The following WDR44 variants were observed in gnomAD, a reference collection of about 807,000 sequenced individuals.
WDR44 encodes WD repeat-containing protein 44.
In WDR44, 9 loss-of-function variants were observed where a neutral mutation model predicts 65.7. That is an observed-to-expected ratio of 0.14 (90% CI 0.08 to 0.24). The LOEUF is 0.24. Ranked by LOEUF, WDR44 falls within the 10% of genes least tolerant of loss-of-function variation. The probability of loss-of-function intolerance (pLI) is 1.00; values close to 1 mark genes in which losing one functional copy is unlikely to be tolerated. For synonymous variants in WDR44, 220 were observed against 235.2 expected (o/e 0.94, Z 0.59); for missense variants, 425 against 670.9 (o/e 0.63, Z 4.05).
chrX:118,361,926 T>C (rs1451125392), intron 1 of WDR44, among the ~76,000 whole-genome samples: 1 of 112,463 alleles, frequency 8.9e-6, no homozygotes, highest in East Asian at 2.8e-4. Flanking sequence ...TTGCAGAAGC[T>C]ATGAAAAACC....
At chrX:118,440,402 G>A (rs1465538071) in intron 14 of WDR44, among the ~76,000 whole-genome samples, 1 of 110,936 alleles carries the variant, frequency 9.0e-6, no homozygotes, top group South Asian at 3.8e-4. Flanking sequence ...TCAGATTGCC[G>A]CAGGTTGAGA....
chrX:118,446,374 C>T (rs976336645), intron 19 of WDR44, among the ~76,000 whole-genome samples: 2 of 110,810 alleles, frequency 1.8e-5, no homozygotes, highest in Non-Finnish European at 3.8e-5. Flanking sequence ...GCCCGGGCAA[C>T]ATAGAAGACC....
At chrX:118,372,041 T>A (rs1160812808) in intron 1 of WDR44, among the ~76,000 whole-genome samples, 1 of 108,261 alleles carries the variant, frequency 9.2e-6, no homozygotes, top group Admixed American at 1.0e-4. Flanking sequence ...GAAAAAAATA[T>A]TTTTCTAGTT....
chrX:118,435,965 G>A (rs757936078), intron 13 of WDR44, among the ~76,000 whole-genome samples: 95 of 111,989 alleles, frequency 8.5e-4, no homozygotes, highest in Middle Eastern at 4.7e-3. Context: ...GAATACAGAG[G>A]TATCATTTGA....
At position 118,359,034 on chromosome X, in the gene WDR44, A is replaced by G. The variant is rs752789419; in HGVS notation, c.77+12454A>G. On this transcript the variant is annotated intron_variant, in intron 1 of 19. Coordinates refer to ENST00000254029, the MANE Select transcript of WDR44 (RefSeq NM_019045.5). ...GGTTGCAGTGAGCCAAGATCACACC[A>G]CTGCACTCCAGCCTGGGCGACAGAG... 1.2e-4 allele frequency among the ~76,000 whole-genome samples: 13 copies of G among 110,790 alleles called. No homozygotes were observed. In the East Asian group the frequency reaches 3.1e-3, roughly 27 times the overall value.
chrX:118,377,719 CTCTCT>C (rs1569362378), intron 1 of WDR44, among the ~76,000 whole-genome samples: 3 of 75,387 alleles, frequency 4.0e-5, no homozygotes, highest in Non-Finnish European at 4.6e-5. Context: ...ATTTTCTTCT[CTCTCT>C]TTTTTTTTTT....
chrX:118,370,705 T>A (rs2056607689), intron 1 of WDR44, among the ~76,000 whole-genome samples: 1 of 109,730 alleles, frequency 9.1e-6, no homozygotes, highest in South Asian at 4.0e-4. Context: ...TGCCTTAGCC[T>A]CCCTGAGTAG....
rs1182026776 is a variant in WDR44, at chrX:118,350,364, CTT to C, written c.77+3787_77+3788del. On this transcript the variant is annotated intron_variant, in intron 1 of 19. Coordinates refer to ENST00000254029, the MANE Select transcript of WDR44 (RefSeq NM_019045.5). ...GGCGTTCTTTCTGCTACTGGGCTGT[CTT>C]TTGATAGAGCAGGAAAGAGAAGAGG... is the stretch of plus-strand genomic sequence containing the variant. Among the ~76,000 whole-genome samples, 105 of 111,497 alleles carry C rather than the reference CTT, an allele frequency of 9.4e-4. 1 individual carries two copies. The highest frequency in any genetic ancestry group is 9.6e-4 in the Non-Finnish European group (51 of 53,191).
intron 6 of WDR44, 86 bp downstream of exon 6, chrX:118,395,430 G>GGTAA: frequency 1.4e-6 from 1 of 722,994 alleles, no homozygotes; most frequent in Admixed American, 3.0e-5. Context: ...GGAGATGGAT[G>GGTAA]GTAATGATGG....
At chrX:118,352,337 TATATATATATA>T (rs2056415866) in intron 1 of WDR44, among the ~76,000 whole-genome samples, 1 of 19,830 alleles carries the variant, frequency 5.0e-5, no homozygotes, top group African/African-American at 4.4e-4. Context: ...TATATATATA[TATATATATATA>T]TATATTTTTT....
At chrX:118,424,309 A>G (rs10127073) in intron 12 of WDR44, among the ~76,000 whole-genome samples, 9,604 of 81,186 alleles carry the variant, frequency 0.12, 974 homozygotes, top group African/African-American at 0.31. Context: ...GTATATATAT[A>G]TATGTGTGTG....
chrX:118,384,464 GT>G (rs991267517), intron 2 of WDR44, among the ~76,000 whole-genome samples: 3 of 111,690 alleles, frequency 2.7e-5, no homozygotes, highest in Non-Finnish European at 5.7e-5. Flanking sequence ...TTTTCATCAG[GT>G]TTGTCGAAGA....
intron 10 of WDR44, among the ~76,000 whole-genome samples, chrX:118,408,533 G>A (rs1569373045): frequency 9.0e-6 from 1 of 110,807 alleles, no homozygotes; most frequent in Non-Finnish European, 1.9e-5. Flanking sequence ...GAGTAGCTGG[G>A]ACCACAGGTG....
At chrX:118,446,624 A>G (rs1298478515) in intron 19 of WDR44, among the ~76,000 whole-genome samples, 3 of 111,533 alleles carry the variant, frequency 2.7e-5, no homozygotes, top group East Asian at 5.6e-4. Context: ...TATTTGGACT[A>G]TCTACTCCAC....
intron 14 of WDR44, 86 bp downstream of exon 14, chrX:118,436,910 A>T: frequency 2.2e-6 from 2 of 912,488 alleles, no homozygotes; most frequent in Non-Finnish European, 1.5e-6. Flanking sequence ...GGACTACAGG[A>T]AAAAAATTAT....
At chrX:118,377,556 TAAG>T (rs2147685473) in intron 1 of WDR44, among the ~76,000 whole-genome samples, 1 of 110,700 alleles carries the variant, frequency 9.0e-6, no homozygotes, top group Non-Finnish European at 1.9e-5. Flanking sequence ...GTGAGGGTAT[TAAG>T]AAACAGGCAT....
At chrX:118,445,291 T>A (rs1380307874) in intron 19 of WDR44, among the ~76,000 whole-genome samples, 1 of 111,694 alleles carries the variant, frequency 9.0e-6, no homozygotes, top group Non-Finnish European at 1.9e-5. Context: ...CAAGACTCCA[T>A]CTCAAAAAAA....
chrX:118,411,664 A>G (rs1041338460), intron 12 of WDR44, among the ~76,000 whole-genome samples: 4 of 111,266 alleles, frequency 3.6e-5, no homozygotes, highest in Non-Finnish European at 5.7e-5. Flanking sequence ...ATCTCCTTAC[A>G]TTTACTGTTT....
At chrX:118,408,736 A>G (rs1484364369) in intron 10 of WDR44, among the ~76,000 whole-genome samples, 1 of 111,816 alleles carries the variant, frequency 8.9e-6, no homozygotes, top group Non-Finnish European at 1.9e-5. Flanking sequence ...GCTGGATGCT[A>G]TACGGGTCAC....
Sources: allele counts gnomAD v4.1 joint callset (sites outside exome capture counted in the v4.1 genomes callset), GRCh38; gene constraint gnomAD v4.1.1; transcripts MANE v1.5; gene names NCBI Gene and HGNC (gene_info 2026-07-23, HGNC 2026-07-21).